LRP2: variants seen among roughly 807,000 people sequenced by gnomAD.
The protein encoded by LRP2 is low-density lipoprotein receptor-related protein 2.
Under a neutral mutation model 531.0 loss-of-function variants are expected in LRP2, and 172 were observed. That is an observed-to-expected ratio of 0.32 (90% CI 0.29 to 0.37). The LOEUF (loss-of-function observed/expected upper bound fraction) is 0.37, where lower values mean the gene tolerates loss of function less well. LRP2 is among the 10% of genes least tolerant of loss of function. The pLI is 1.00. For missense variants in LRP2, 5,167 were observed against 5,868.3 expected (o/e 0.88, Z 3.90); for synonymous variants, 1,992 against 2,027.6 (o/e 0.98, Z 0.47).
At chr2:169,214,495 C>A (rs1574141217) in intron 35 of LRP2, among the ~76,000 whole-genome samples, 1 of 152,190 alleles carries the variant, frequency 6.6e-6, no homozygotes, top group Admixed American at 6.5e-5. Context: ...CAAAAACCTG[C>A]CTCAAGTGCC....
At chr2:169,309,380 C>T (rs1458340935) in intron 3 of LRP2, among the ~76,000 whole-genome samples, 1 of 152,028 alleles carries the variant, frequency 6.6e-6, no homozygotes, top group Non-Finnish European at 1.5e-5. Context: ...GTCTTTAATC[C>T]ATCTTGAATT....
chr2:169,243,102 T>C, intron 23 of LRP2, 30 bp from the exon 24 acceptor site: 1 of 1,527,034 alleles, frequency 6.5e-7, no homozygotes, highest in Non-Finnish European at 9.1e-7. Context: ...GCATTAGAAA[T>C]TAGCTCAGGG....
At chr2:169,211,865 A>G (rs1227979011) in intron 37 of LRP2, 103 bp downstream of exon 37, 8 of 1,463,048 alleles carry the variant, frequency 5.5e-6, no homozygotes, top group Non-Finnish European at 6.7e-6. Context: ...GGAAAGCTTC[A>G]TTATGCACTG....
At chr2:169,191,629 A>G in intron 48 of LRP2, among the ~76,000 whole-genome samples, 1 of 152,200 alleles carries the variant, frequency 6.6e-6, no homozygotes, top group Middle Eastern at 3.4e-3. Flanking sequence ...AGCCAGATAT[A>G]TTAATATTAT....
At chr2:169,210,893 A>T (rs1688568883) in intron 37 of LRP2, among the ~76,000 whole-genome samples, 4 of 152,066 alleles carry the variant, frequency 2.6e-5, no homozygotes. Flanking sequence ...ATGCATGTAC[A>T]CACACACACA....
At chr2:169,339,780 A>G (rs1685514040) in intron 1 of LRP2, among the ~76,000 whole-genome samples, 1 of 152,196 alleles carries the variant, frequency 6.6e-6, no homozygotes. Flanking sequence ...TGATATTTTG[A>G]AAAACGCCAA....
In LRP2 at chr2:169,201,804, C is replaced by T. The variant is rs754025614; in HGVS notation, c.8276G>A (p.Arg2759His). 5.6e-6 allele frequency: 9 copies of T among 1,614,026 alleles called. No individual in the cohort carries two copies. The highest frequency in any genetic ancestry group is 2.2e-5 in the East Asian group (1 of 44,890). The change falls in exon 44 of 79, where the codon CGC (arginine) becomes CAC (histidine). Residue 2759 changes from arginine (R) to histidine (H), a missense_variant. This residue lies in a region of LRP2 where 1,129 missense variants were observed against 1,362.7 expected (regional missense o/e 0.83). Coordinates refer to ENST00000649046, the MANE Select transcript of LRP2 (RefSeq NM_004525.3). ...ACCACAGTCATTGTAGTAATCACAGCGGTAAGAGTATTGGACACATCGCCC... is the reference window on the plus strand; with the variant it reads ...ACCACAGTCATTGTAGTAATCACAGTGGTAAGAGTATTGGACACATCGCCC... The part of the protein sequence containing the change: ...ANGRCVQYSY[R>H]CDYYNDCGDG...
chr2:169,174,271 G>T (rs977304690), intron 55 of LRP2, 107 bp from the exon 56 acceptor site: 40 of 1,388,956 alleles, frequency 2.9e-5, no homozygotes, highest in Non-Finnish European at 3.4e-5. Context: ...CTTTTTAGAG[G>T]ACTTATTTCC....
At position 169,174,064 on chromosome 2, in the gene LRP2, T is replaced by C. The variant is rs1317337243; in HGVS notation, c.10869A>G (p.Ser3623=). ...TGGCACAGTGGGAACTGTCTTCATCTGAGTTATCCTCACAGTCGTTAAATG... is the reference window on the plus strand; with the variant it reads ...TGGCACAGTGGGAACTGTCTTCATCCGAGTTATCCTCACAGTCGTTAAATG... ...CDTFNDCEDN[S]DEDSSHCASR... The change falls in exon 56 of 79, where the codon TCA becomes TCG. Residue 3623 remains serine (S), a synonymous_variant. Coordinates refer to ENST00000649046, the MANE Select transcript of LRP2 (RefSeq NM_004525.3). 1.2e-6 allele frequency: 2 copies of C among 1,614,216 alleles called. No individual in the cohort carries two copies. Among genetic ancestry groups the C allele is most frequent in the South Asian group, 2.2e-5 (2 of 91,084 alleles).
At chr2:169,178,984 G>GATTTATTTATTT (rs3083236) in intron 52 of LRP2, among the ~76,000 whole-genome samples, 32 of 146,096 alleles carry the variant, frequency 2.2e-4, no homozygotes, top group South Asian at 9.0e-4. Context: ...GTCACCATCT[G>GATTTATTTATTT]ATTTATTTAT....
In LRP2 at chr2:169,231,752, C is replaced by T. The variant is rs752089581; in HGVS notation, c.5189G>A (p.Gly1730Glu). The T allele has an allele frequency of 2.7e-5, 43 of 1,614,042 alleles. No individual in the cohort carries two copies. Among genetic ancestry groups the T allele is most frequent in the Non-Finnish European group, 3.6e-5 (42 of 1,179,974 alleles). Reference sequence around the variant, plus strand: ...CAGGAGATCAGGAGACAGACTCCATCCTGAAGGACAAACACAGGAGTAAAA... The same window carrying T: ...CAGGAGATCAGGAGACAGACTCCATTCTGAAGGACAAACACAGGAGTAAAA... ...PHFYSCVCPS[G>E]WSLSPDLLNC... Residue 1730 changes from glycine to glutamate, a missense_variant, in exon 31 of 79, where the codon GGA becomes GAA. Gly to Glu is a moderately conservative substitution (Grantham distance 98). Transcript: ENST00000649046.
At chr2:169,198,987 C>T (rs1166704001) in intron 44 of LRP2, 76 bp from the exon 45 acceptor site, 1 of 1,502,408 alleles carries the variant, frequency 6.7e-7, no homozygotes, top group Non-Finnish European at 9.1e-7. Flanking sequence ...CGTGCTAACA[C>T]ATCTATTGTG....
At chr2:169,304,429 T>C (rs932681606) in intron 4 of LRP2, among the ~76,000 whole-genome samples, 19 of 152,208 alleles carry the variant, frequency 1.2e-4, no homozygotes, top group African/African-American at 4.3e-4. Flanking sequence ...GCCTGCCCTA[T>C]TGTCCTCATA....
intron 75 of LRP2, among the ~76,000 whole-genome samples, chr2:169,138,173 C>T (rs565914267): frequency 2.6e-5 from 4 of 152,332 alleles, no homozygotes; most frequent in Admixed American, 2.6e-4. Flanking sequence ...TTTATTTCAT[C>T]ACTATACATT....
Position 169,243,506 on chromosome 2 carries a change from G to A in LRP2, c.3447C>T (p.Cys1149=). 1 of 1,614,100 alleles carries A rather than the reference G, an allele frequency of 6.2e-7. No individual in the cohort carries two copies. The highest frequency in any genetic ancestry group is 8.5e-7 in the Non-Finnish European group (1 of 1,179,972). Residue 1149 remains cysteine (C), a synonymous_variant, in exon 23 of 79, where the codon TGC becomes TGT. Transcript: ENST00000649046. ...TGGGGCAATTAAACTGACTAGGTTGGCATGTCTCTGTCGAATCTAATGTCA... is the reference window on the plus strand; with the variant it reads ...TGGGGCAATTAAACTGACTAGGTTGACATGTCTCTGTCGAATCTAATGTCA... The part of the protein sequence containing the change: ...DEKNCNSTET[C]QPSQFNCPNH...
At chr2:169,135,912 G>C (rs376951210) in intron 76 of LRP2, among the ~76,000 whole-genome samples, 6 of 151,884 alleles carry the variant, frequency 4.0e-5, no homozygotes, top group African/African-American at 1.5e-4. Flanking sequence ...GGTTTACACT[G>C]TTTCTCCAAG....
At position 169,241,004 on chromosome 2, in the gene LRP2, A is replaced by T; in HGVS notation, c.4029T>A (p.Asp1343Glu). 1.2e-6 allele frequency: 2 copies of T among 1,613,564 alleles called. No homozygotes were observed. Among genetic ancestry groups the T allele is most frequent in the Non-Finnish European group, 1.7e-6 (2 of 1,180,026 alleles). ...DGIFDCPNGT[D>E]ESPLCNGNSC... is the part of the protein sequence containing the mutation. ...GAAACTTACTGCAAAGTGGGGACTC[A>T]TCTGTCCCATTGGGGCAGTCAAAGA... Residue 1343 changes from aspartate (D) to glutamate (E), a missense_variant, in exon 25 of 79, where the codon GAT (aspartate) becomes GAA (glutamate). By Grantham distance (45) the Asp-to-Glu change is conservative. Transcript: ENST00000649046.
chr2:169,284,778 C>A (rs1332336930), intron 9 of LRP2, among the ~76,000 whole-genome samples: 1 of 152,138 alleles, frequency 6.6e-6, no homozygotes, highest in African/African-American at 2.4e-5. Flanking sequence ...GAGAAAGCTC[C>A]ACCTAAGGCT....
chr2:169,245,018 T>C (rs1012217862), intron 21 of LRP2, 86 bp from the exon 22 acceptor site: 52 of 1,427,764 alleles, frequency 3.6e-5, no homozygotes, highest in Non-Finnish European at 4.4e-5. Context: ...TCAGTTCACC[T>C]TTTTTAATGG....
Sources: allele counts gnomAD v4.1 joint callset (sites outside exome capture counted in the v4.1 genomes callset), GRCh38; gene constraint gnomAD v4.1.1; regional missense constraint gnomAD v4.1.1; transcripts MANE v1.5; gene names NCBI Gene and HGNC (gene_info 2026-07-23, HGNC 2026-07-21).